The following PDE4D variants were observed in gnomAD, a reference collection of about 807,000 sequenced individuals.
The protein encoded by PDE4D is phosphodiesterase 4D, also known as 3',5'-cyclic-AMP phosphodiesterase 4D.
In PDE4D, 24 loss-of-function variants were observed where a neutral mutation model predicts 87.4. That is an observed-to-expected ratio of 0.27 (90% CI 0.20 to 0.39). The LOEUF (loss-of-function observed/expected upper bound fraction) is 0.39. Ranked by LOEUF, PDE4D falls within the 10% of genes least tolerant of loss-of-function variation. The probability of loss-of-function intolerance (pLI) is 1.00; values close to 1 mark genes in which losing one functional copy is unlikely to be tolerated. For missense variants in PDE4D, 714 were observed against 1,041.0 expected (o/e 0.69, Z 4.32); for synonymous variants, 384 against 383.2 (o/e 1.00, Z -0.02).
intron 1 of PDE4D, among the ~76,000 whole-genome samples, chr5:59,466,449 A>G (rs1336002056): frequency 6.6e-6 from 1 of 152,094 alleles, no homozygotes; most frequent in Non-Finnish European, 1.5e-5. Context: ...TGCTCTTTAC[A>G]CTTTTGCCCA....
chr5:59,983,499 T>C (rs1430797187), intron 3 of PDE4D, among the ~76,000 whole-genome samples: 1 of 152,122 alleles, frequency 6.6e-6, no homozygotes, highest in Admixed American at 6.5e-5. Context: ...GTCTAGAATA[T>C]ACAAAGAGCC....
chr5:60,483,295 C>G (rs1748875736), intron 1 of PDE4D, among the ~76,000 whole-genome samples: 1 of 152,150 alleles, frequency 6.6e-6, no homozygotes, highest in Non-Finnish European at 1.5e-5. Context: ...TCCCAAGTAG[C>G]TGGGACCACA....
At chr5:59,701,876 G>A (rs1021622055) in intron 1 of PDE4D, among the ~76,000 whole-genome samples, 4 of 152,192 alleles carry the variant, frequency 2.6e-5, no homozygotes, top group African/African-American at 4.8e-5. Context: ...AGGCCCAGCA[G>A]AAGGTAAAAA....
chr5:59,488,774 A>C (rs769568344), intron 1 of PDE4D, among the ~76,000 whole-genome samples: 6 of 152,060 alleles, frequency 3.9e-5, no homozygotes, highest in Non-Finnish European at 7.4e-5. Flanking sequence ...AAATACAAAA[A>C]TTGAATGTAT....
At chr5:59,617,012 C>CTTTTAA (rs1232077356) in intron 1 of PDE4D, among the ~76,000 whole-genome samples, 9 of 141,082 alleles carry the variant, frequency 6.4e-5, no homozygotes, top group African/African-American at 2.3e-4. Context: ...TCGTTTTCTT[C>CTTTTAA]TTTTAAATTA....
At chr5:60,330,861 A>G (rs1345593285) in intron 1 of PDE4D, among the ~76,000 whole-genome samples, 1 of 150,440 alleles carries the variant, frequency 6.6e-6, no homozygotes, top group Non-Finnish European at 1.5e-5. Context: ...CAAAAGCTAC[A>G]TGGCCACAGG....
chr5:59,464,670 G>A (rs1266880113), intron 1 of PDE4D, among the ~76,000 whole-genome samples: 3 of 152,028 alleles, frequency 2.0e-5, no homozygotes, highest in African/African-American at 7.2e-5. Context: ...TCTATACTTT[G>A]TCTCTGTGTC....
At chr5:59,590,571 C>A (rs1825785848) in intron 1 of PDE4D, among the ~76,000 whole-genome samples, 1 of 151,980 alleles carries the variant, frequency 6.6e-6, no homozygotes, top group South Asian at 2.1e-4. Flanking sequence ...TAATCTCAGC[C>A]CCATTATTTT....
intron 1 of PDE4D, among the ~76,000 whole-genome samples, chr5:59,591,146 A>C (rs932845074): frequency 2.2e-4 from 34 of 152,290 alleles, no homozygotes; most frequent in African/African-American, 8.2e-4. Context: ...AATACATACA[A>C]AAAAAGTCTG....
At chr5:59,874,075 G>A (rs193223575) in intron 1 of PDE4D, among the ~76,000 whole-genome samples, 24 of 152,084 alleles carry the variant, frequency 1.6e-4, no homozygotes, top group Non-Finnish European at 2.6e-4. Flanking sequence ...AAAAATGGCC[G>A]AGTATGATGG....
intron 1 of PDE4D, among the ~76,000 whole-genome samples, chr5:59,398,300 T>A (rs1277576676): frequency 7.9e-6 from 1 of 125,966 alleles, no homozygotes; most frequent in Non-Finnish European, 1.7e-5. Flanking sequence ...TAGACCAATA[T>A]CCTTGATGAA....
intron 1 of PDE4D, among the ~76,000 whole-genome samples, chr5:59,639,342 G>A (rs1741144877): frequency 6.6e-6 from 1 of 152,084 alleles, no homozygotes; most frequent in Non-Finnish European, 1.5e-5. Flanking sequence ...AAAATCTTCT[G>A]TTTTGGAAAG....
intron 1 of PDE4D, among the ~76,000 whole-genome samples, chr5:59,351,129 G>T (rs116736364): frequency 6.6e-6 from 1 of 152,140 alleles, no homozygotes; most frequent in Non-Finnish European, 1.5e-5. Context: ...CTGCATTCAC[G>T]TACATGCTTT....
At chr5:59,116,040 G>A (rs867568169) in intron 5 of PDE4D, among the ~76,000 whole-genome samples, 101 of 152,172 alleles carry the variant, frequency 6.6e-4, no homozygotes, top group African/African-American at 1.9e-3. Flanking sequence ...ATGAATTAGC[G>A]TTTGCTGTAG....
chr5:59,238,705 T>C (rs1271041786), intron 1 of PDE4D, among the ~76,000 whole-genome samples: 6 of 152,208 alleles, frequency 3.9e-5, no homozygotes, highest in African/African-American at 1.4e-4. Flanking sequence ...TCAAAGGCTC[T>C]ATTTCACCTG....
intron 1 of PDE4D, among the ~76,000 whole-genome samples, chr5:59,779,088 G>C (rs979910886): frequency 1.3e-5 from 2 of 152,032 alleles, no homozygotes; most frequent in Non-Finnish European, 2.9e-5. Flanking sequence ...CTTGGACCTA[G>C]GAGGCGGAGG....
intron 1 of PDE4D, among the ~76,000 whole-genome samples, chr5:59,783,809 G>C (rs1215816850): frequency 6.6e-6 from 1 of 152,192 alleles, no homozygotes; most frequent in Non-Finnish European, 1.5e-5. Flanking sequence ...GCTCACACCT[G>C]TAACCCCAGC....
chr5:59,846,621 A>G (rs1337990207), intron 1 of PDE4D, among the ~76,000 whole-genome samples: 1 of 152,056 alleles, frequency 6.6e-6, no homozygotes, highest in African/African-American at 2.4e-5. Context: ...TCCTAAGACC[A>G]GAAGATATTT....
chr5:59,739,025 A>G (rs962205001), intron 1 of PDE4D, among the ~76,000 whole-genome samples: 1 of 152,214 alleles, frequency 6.6e-6, no homozygotes, highest in Non-Finnish European at 1.5e-5. Context: ...CAAATTTTCC[A>G]AAAGAAAAGT....
Sources: allele counts gnomAD v4.1 joint callset (sites outside exome capture counted in the v4.1 genomes callset), GRCh38; gene constraint gnomAD v4.1.1; transcripts MANE v1.5; gene names NCBI Gene and HGNC (gene_info 2026-07-23, HGNC 2026-07-21).